The following FGF12 variants were observed in gnomAD, a reference collection of about 807,000 sequenced individuals.
The protein encoded by FGF12 is fibroblast growth factor 12.
In FGF12, 14 loss-of-function variants were observed where a neutral mutation model predicts 23.6. That is an observed-to-expected ratio of 0.59 (90% CI 0.39 to 0.93). The LOEUF (loss-of-function observed/expected upper bound fraction) is 0.93. Among genes scored for constraint, FGF12 ranks in the 40% least tolerant of loss-of-function variants. The probability of loss-of-function intolerance (pLI) is 0.00; values close to 1 mark genes in which losing one functional copy is unlikely to be tolerated. For missense variants in FGF12, 175 were observed against 217.8 expected (o/e 0.80, Z 1.24); for synonymous variants, 62 against 77.3 (o/e 0.80, Z 1.04).
chr3:192,694,397 C>T (rs915724470), intron 2 of FGF12, among the ~76,000 whole-genome samples: 1 of 152,090 alleles, frequency 6.6e-6, no homozygotes, highest in Admixed American at 6.6e-5. Context: ...TCTGGGTATA[C>T]ACCCAAAGGA....
chr3:192,703,268 A>G (rs916961533), intron 2 of FGF12, among the ~76,000 whole-genome samples: 6 of 152,366 alleles, frequency 3.9e-5, no homozygotes, highest in Admixed American at 3.3e-4. Context: ...TAGTGCATAG[A>G]AAAGTTATAT....
rs548068026 is a variant in FGF12 at position 192,585,563 on chromosome 3, C to T, written c.13+141618G>A. Among the ~76,000 whole-genome samples, 3 of 152,220 alleles carry T rather than the reference C, an allele frequency of 2.0e-5. No individual in the cohort carries two copies. In the South Asian group the frequency reaches 6.2e-4, roughly 32 times the overall value. On this transcript the variant is annotated intron_variant, in intron 2 of 5. Transcript: ENST00000445105. ...AACAAGCTGGTAGGTATCTCACCAGCTTGACCCAAGGAGGTTGGGCCTGTA... is the reference window on the plus strand; with the variant it reads ...AACAAGCTGGTAGGTATCTCACCAGTTTGACCCAAGGAGGTTGGGCCTGTA...
At chr3:192,226,187 A>G (rs1431574952) in intron 4 of FGF12, among the ~76,000 whole-genome samples, 1 of 152,166 alleles carries the variant, frequency 6.6e-6, no homozygotes, top group Admixed American at 6.6e-5. Context: ...CCCAAGACTA[A>G]GTGAACCATT....
At chr3:192,170,284 GAAA>G (rs5855411) in intron 5 of FGF12, among the ~76,000 whole-genome samples, 171 bp downstream of exon 5, 3 of 109,444 alleles carry the variant, frequency 2.7e-5, no homozygotes, top group African/African-American at 6.3e-5. Flanking sequence ...TGCCTCAAAA[GAAA>G]AAAAAAAAAA....
intron 2 of FGF12, among the ~76,000 whole-genome samples, chr3:192,681,521 G>C (rs1168717069): frequency 1.3e-5 from 2 of 152,222 alleles, no homozygotes; most frequent in African/African-American, 4.8e-5. Flanking sequence ...ACAAGAAGTA[G>C]ATGATAGTGG....
At chr3:192,620,596 A>G (rs1460508720) in intron 2 of FGF12, among the ~76,000 whole-genome samples, 1 of 152,154 alleles carries the variant, frequency 6.6e-6, no homozygotes, top group Admixed American at 6.6e-5. Flanking sequence ...CATATTATTT[A>G]GCTTTTACGT....
chr3:192,664,862 A>T, intron 2 of FGF12, among the ~76,000 whole-genome samples: 1 of 152,210 alleles, frequency 6.6e-6, no homozygotes, highest in East Asian at 1.9e-4. Context: ...AATCCAGTAC[A>T]AATTGACGTA....
intron 2 of FGF12, among the ~76,000 whole-genome samples, chr3:192,532,096 C>T (rs1011845521): frequency 6.6e-6 from 1 of 152,110 alleles, no homozygotes; most frequent in African/African-American, 2.4e-5. Context: ...CTATTCTGTT[C>T]CATTGGTCTA....
intron 2 of FGF12, among the ~76,000 whole-genome samples, chr3:192,685,639 C>A (rs188897034): frequency 5.6e-4 from 85 of 151,818 alleles, no homozygotes; most frequent in African/African-American, 2.0e-3. Context: ...GGTACCAGCA[C>A]GGAGGAGAGT....
intron 2 of FGF12, among the ~76,000 whole-genome samples, chr3:192,396,038 G>A (rs759241603): frequency 6.6e-6 from 1 of 152,168 alleles, no homozygotes; most frequent in Non-Finnish European, 1.5e-5. Context: ...TATTCATATT[G>A]ATGATACAAT....
At chr3:192,253,479 A>G (rs1712171641) in intron 4 of FGF12, among the ~76,000 whole-genome samples, 1 of 152,152 alleles carries the variant, frequency 6.6e-6, no homozygotes, top group Admixed American at 6.6e-5. Context: ...AAATGGAAAG[A>G]GAAAAGAAAT....
At chr3:192,376,184 C>G (rs1007291325) in intron 2 of FGF12, among the ~76,000 whole-genome samples, 1 of 151,910 alleles carries the variant, frequency 6.6e-6, no homozygotes, top group African/African-American at 2.4e-5. Context: ...AAATCTCACT[C>G]AATGTTTTCC....
intron 2 of FGF12, among the ~76,000 whole-genome samples, chr3:192,612,021 C>T (rs77040953): frequency 0.039 from 5,954 of 152,000 alleles, 382 homozygotes; most frequent in African/African-American, 0.14. Flanking sequence ...GTTAAACAGG[C>T]CTGCAGAGGC....
chr3:192,576,796 G>A (rs574051325), intron 2 of FGF12, among the ~76,000 whole-genome samples: 1 of 152,208 alleles, frequency 6.6e-6, no homozygotes, highest in East Asian at 1.9e-4. Flanking sequence ...GCAAAGACTT[G>A]GAACCAACCC....
chr3:192,372,391 T>TCACACACACACACACA (rs58664869), intron 2 of FGF12, among the ~76,000 whole-genome samples: 8 of 149,092 alleles, frequency 5.4e-5, no homozygotes, highest in Admixed American at 4.0e-4. Flanking sequence ...TTTCATACCA[T>TCACACACACACACACA]CACACACACA....
At chr3:192,616,992 A>G (rs901296109) in intron 2 of FGF12, among the ~76,000 whole-genome samples, 2 of 152,100 alleles carry the variant, frequency 1.3e-5, no homozygotes, top group African/African-American at 4.8e-5. Context: ...GAACAGATAC[A>G]TGGAAGAGAG....
intron 3 of FGF12, among the ~76,000 whole-genome samples, chr3:192,335,821 T>G (rs1577364562): frequency 6.6e-6 from 1 of 151,998 alleles, no homozygotes; most frequent in African/African-American, 2.4e-5. Context: ...GACCGAAAAA[T>G]TCTCAACAGG....
intron 4 of FGF12, among the ~76,000 whole-genome samples, chr3:192,301,027 T>C (rs2108659578): frequency 6.6e-6 from 1 of 152,160 alleles, no homozygotes; most frequent in South Asian, 2.1e-4. Context: ...CCCGAAAGAT[T>C]GTCCAGAAAT....
In FGF12 at chr3:192,143,961, G is replaced by T; in HGVS notation, c.*48C>A. ...TGGAAGGAAATGGGTAAATGGGAAG[G>T]AAGGGAAGGGGAAGGGATGAGAGAG... On this transcript the variant is annotated 3_prime_UTR_variant, in exon 6 of 6. Coordinates refer to ENST00000445105, the MANE Select transcript of FGF12 (RefSeq NM_004113.6). The T allele has an allele frequency of 1.7e-6, 2 of 1,159,044 alleles. No individual in the cohort carries two copies. Among genetic ancestry groups the T allele is most frequent in the South Asian group, 1.2e-5 (1 of 80,350 alleles). 71.8% of individuals were successfully genotyped at this position (1,159,044 alleles called of 1,614,324 possible).
Sources: allele counts gnomAD v4.1 joint callset (sites outside exome capture counted in the v4.1 genomes callset), GRCh38; gene constraint gnomAD v4.1.1; transcripts MANE v1.5; gene names NCBI Gene and HGNC (gene_info 2026-07-23, HGNC 2026-07-21).